MMP8: variants seen among roughly 807,000 people sequenced by gnomAD.
MMP8 encodes the protein matrix metallopeptidase 8, also known as neutrophil collagenase.
In MMP8, 67 loss-of-function variants were observed where a neutral mutation model predicts 51.2. The observed-to-expected ratio is 1.31, with a 90% CI of 1.08 to 1.60. The LOEUF is 1.60. MMP8 is among the 40% of genes most tolerant of loss of function. MMP8 has a pLI of 0.00. For synonymous variants in MMP8, 225 were observed against 191.0 expected, an observed-to-expected ratio of 1.18 and a Z score of -1.47; for missense variants, 654 against 558.1, an observed-to-expected ratio of 1.17 and a Z score of -1.73.
Position 102,719,349 on chromosome 11 carries a change from G to C in MMP8, c.623-774C>G, listed in dbSNP as rs34778157. 7.0e-3 allele frequency among the ~76,000 whole-genome samples: 1,063 copies of C among 152,126 alleles called. 21 individuals are homozygous for C. Among genetic ancestry groups the C allele is most frequent in the African/African-American group, 0.024 (1,013 of 41,494 alleles). ...ATCCTTCAGTCCAGCCAGTCTACAT[G>C]CTGCCTCACAAACACACTGATGCAT... On this transcript the variant is annotated intron_variant, in intron 4 of 9. Transcript: ENST00000236826.
Position 102,711,834 on chromosome 11 carries a change from T to C in MMP8, c.*1514A>G, listed in dbSNP as rs1160920451. 1.3e-5 allele frequency: 2 copies of C among 152,158 alleles called. No individual in the cohort carries two copies. The highest frequency in any genetic ancestry group is 1.3e-4 in the Admixed American group (2 of 15,268). The allele number at this position is 152,158 out of a possible 1,614,324, so 9.4% of individuals were successfully genotyped here. A position where few individuals can be genotyped will look rare whatever the true frequency, so the allele number is the denominator to read the frequency against. On this transcript the variant is annotated 3_prime_UTR_variant, in exon 10 of 10. Coordinates refer to ENST00000236826, the MANE Select transcript of MMP8 (RefSeq NM_002424.3). The stretch of plus-strand genomic sequence containing the variant: ...AAATCTTTAATTTGAACTTATTTAA[T>C]AGATTATTTTAATTTTTGAACAAGC...
intron 4 of MMP8, among the ~76,000 whole-genome samples, chr11:102,719,495 T>C (rs1477801691): frequency 6.6e-6 from 1 of 150,514 alleles, no homozygotes; most frequent in African/African-American, 2.5e-5. Context: ...AATATTTTTA[T>C]AGTAAAGTGA....
chr11:102,714,557 T>G lies in MMP8; in HGVS notation c.1189A>C (p.Arg397=), dbSNP rs138686754. The stretch of plus-strand genomic sequence containing the variant: ...AATTGAAAAAATAGTTTACGTTACC[T>G]CCAGAATTGGTCATTTACAAAGAAG... ...TYFFVNDQFW[R]YDNQRQFMEP... is the part of the protein sequence containing the mutation. Residue 397 remains arginine (R), a splice_region_variant and synonymous_variant, in exon 8 of 10, where the codon AGA becomes CGA. Coordinates refer to ENST00000236826, the MANE Select transcript of MMP8 (RefSeq NM_002424.3). The G allele has an allele frequency of 1.4e-3, 2,104 of 1,459,528 alleles. 1 individual carries two copies. The highest frequency in any genetic ancestry group is 1.8e-3 in the Non-Finnish European group (1,978 of 1,100,892). 90.4% of individuals were successfully genotyped at this position (1,459,528 alleles called of 1,614,324 possible). A position where few individuals can be genotyped will look rare whatever the true frequency, so the allele number is the denominator to read the frequency against.
intron 5 of MMP8, among the ~76,000 whole-genome samples, chr11:102,716,776 A>G (rs1327717656): frequency 1.4e-4 from 22 of 152,042 alleles, no homozygotes; most frequent in Non-Finnish European, 1.5e-5. Flanking sequence ...CTCTCTCCTC[A>G]CCAAAATCCA....
At position 102,714,781 on chromosome 11, in the gene MMP8, TATATATATATA is replaced by T; in HGVS notation, c.1037-83_1037-73del. The T allele has an allele frequency of 1.2e-5, 3 of 253,738 alleles. 1 individual carries two copies. Among genetic ancestry groups the T allele is most frequent in the Non-Finnish European group, 2.2e-5 (3 of 138,874 alleles). The allele number at this position is 253,738 out of a possible 1,614,324, so 15.7% of individuals were successfully genotyped here. ...ACAAAATTATATATATATATATATATATATATATATATATATATATATATACCACTTCTTGG... is the reference window on the plus strand; with the variant it reads ...ACAAAATTATATATATATATATATATTATATATATATATACCACTTCTTGG... On this transcript the variant is annotated intron_variant, in intron 7 of 9. Transcript: ENST00000236826.
chr11:102,723,306 A>G (rs1354713187), intron 1 of MMP8, among the ~76,000 whole-genome samples: 1 of 152,218 alleles, frequency 6.6e-6, no homozygotes, highest in African/African-American at 2.4e-5. Context: ...AAAATTACCT[A>G]TTTTAAGTTT....
At chr11:102,723,559 A>G in intron 1 of MMP8, 1 of 452,730 alleles carries the variant, frequency 2.2e-6, no homozygotes, top group Non-Finnish European at 4.4e-6. Flanking sequence ...GTGTCATAAC[A>G]TGGCAGAGAA....
rs1159587006 is a variant in MMP8, at chr11:102,718,518, T to G, written c.680A>C (p.His227Pro). Reference sequence around the variant, plus strand: ...CATCAAGGCACCAGGGTCAGAGGAGTGAGCGAGCCCCAAAGAATGGCCAAA... The same window carrying G: ...CATCAAGGCACCAGGGTCAGAGGAGGGAGCGAGCCCCAAAGAATGGCCAAA... ...HEFGHSLGLA[H>P]SSDPGALMYP... Residue 227 changes from histidine to proline, a missense_variant, in exon 5 of 10, where the codon CAC becomes CCC. Physicochemically the swap from His to Pro is moderately conservative, Grantham distance 77. Transcript: ENST00000236826. 6.2e-7 allele frequency: 1 copy of G among 1,613,710 alleles called. No homozygotes were observed. Among genetic ancestry groups the G allele is most frequent in the Non-Finnish European group, 8.5e-7 (1 of 1,179,870 alleles).
At chr11:102,719,570 T>A (rs1861410106) in intron 4 of MMP8, among the ~76,000 whole-genome samples, 3 of 152,148 alleles carry the variant, frequency 2.0e-5, no homozygotes, top group Non-Finnish European at 4.4e-5. Context: ...CAGATTGGGG[T>A]CAAACCCAGG....
chr11:102,718,237 C>T (rs908491670), intron 5 of MMP8, among the ~76,000 whole-genome samples, 177 bp downstream of exon 5: 1 of 152,094 alleles, frequency 6.6e-6, no homozygotes, highest in African/African-American at 2.4e-5. Context: ...TCTTTTAGGG[C>T]AGCAATAGAG....
In MMP8 at chr11:102,715,422, C is replaced by G. The variant is rs147143187; in HGVS notation, c.918G>C (p.Arg306Ser). 6.2e-6 allele frequency: 10 copies of G among 1,612,984 alleles called. No individual in the cohort carries two copies. The African/African-American group carries it at 8.0e-5, about 13-fold the overall frequency. ...TTTCGACTCTTTGTAGCTGAGGATG[C>G]CTTCTCCAGAAGTACCTAACGGAAC... ...LFFKDRYFWR[R>S]HPQLQRVEMN... is the part of the protein sequence containing the mutation. Residue 306 changes from arginine to serine, a missense_variant, in exon 7 of 10, where the codon AGG (arginine) becomes AGC (serine). By Grantham distance (110) the Arg-to-Ser change is moderately radical (BLOSUM62 -1). Transcript: ENST00000236826.
chr11:102,721,556 T>C (rs995120416), intron 3 of MMP8, 30 bp from the exon 4 acceptor site: 2 of 1,613,568 alleles, frequency 1.2e-6, no homozygotes, highest in Middle Eastern at 1.7e-4. Context: ...ATTAGATCCT[T>C]GCCAAGTTTC....
chr11:102,721,711 G>C lies in MMP8; in HGVS notation c.399C>G (p.Ile133Met). Residue 133 changes from isoleucine to methionine, a missense_variant, in exon 3 of 10, where the codon ATC becomes ATG. Ile to Met is a conservative substitution (Grantham distance 10). Coordinates refer to ENST00000236826, the MANE Select transcript of MMP8 (RefSeq NM_002424.3). ...QLSEAEVERAIKDAFELWSVA... is the reference protein window; with the variant it reads ...QLSEAEVERAMKDAFELWSVA... ...CACTCCAGAGTTCAAAGGCATCCTT[G>C]ATAGCTCTTTCTACCTCAGCCTCTG... 3 of 1,613,774 alleles carry C rather than the reference G, an allele frequency of 1.9e-6. No homozygotes were observed. Among genetic ancestry groups the C allele is most frequent in the Non-Finnish European group, 2.5e-6 (3 of 1,179,776 alleles).
chr11:102,723,524 T>C (rs1396479021), intron 1 of MMP8: 2 of 456,180 alleles, frequency 4.4e-6, no homozygotes, highest in South Asian at 1.6e-5. Flanking sequence ...CTGCATCTGG[T>C]TGGCTTCTGA....
intron 5 of MMP8, 70 bp from the exon 6 acceptor site, chr11:102,716,489 C>CATCA: frequency 3.3e-6 from 3 of 901,338 alleles, no homozygotes; most frequent in Non-Finnish European, 5.0e-6. Context: ...CTCTTGGGTA[C>CATCA]ATCAGAGACT....
At chr11:102,722,123 G>A (rs117589658) in intron 2 of MMP8, among the ~76,000 whole-genome samples, 3,343 of 152,152 alleles carry the variant, frequency 0.022, 42 homozygotes, top group Non-Finnish European at 0.036. Flanking sequence ...GGAGGGACTT[G>A]ACTCTCTCCA....
Position 102,713,745 on chromosome 11 carries a change from C to A in MMP8, c.1294+9G>T. On this transcript the variant is annotated intron_variant, in intron 9 of 9. Transcript: ENST00000236826. ...CAACACATTTATTAGGTTTTTTTTT[C>A]CTACTTACGTTCTTGCTGGAAAACT... 1 of 1,461,808 alleles carries A rather than the reference C, an allele frequency of 6.8e-7. No individual in the cohort carries two copies. The highest frequency in any genetic ancestry group is 2.1e-5 in the Admixed American group (1 of 47,968). The allele number at this position is 1,461,808 out of a possible 1,614,324, so 90.6% of individuals were successfully genotyped here. A position where few individuals can be genotyped will look rare whatever the true frequency, so the allele number is the denominator to read the frequency against.
rs138327738 is a variant in MMP8 at position 102,720,039 on chromosome 11, G to C, written c.622+1362C>G. ...GAGGAAGCAATTCAAGCAAATGTGA[G>C]GAAGATGAAAAGCATAGGGTGTGAC... On this transcript the variant is annotated intron_variant, in intron 4 of 9. Coordinates refer to ENST00000236826, the MANE Select transcript of MMP8 (RefSeq NM_002424.3). 1.4e-4 allele frequency among the ~76,000 whole-genome samples: 22 copies of C among 152,280 alleles called. No homozygotes were observed. In the East Asian group the frequency reaches 4.1e-3, roughly 28 times the overall value.
rs1861573064 is a variant in MMP8, at chr11:102,724,804, A to G, written c.52T>C (p.Ser18Pro). Residue 18 changes from serine (S) to proline (P), a missense_variant, in exon 1 of 10, where the codon TCC becomes CCC. Transcript: ENST00000236826. ...TTAGAAGATACAGGAAAGGCCTTGG[A>G]AATCTGCACATGGAGTAAGAGCAGA... is the stretch of plus-strand genomic sequence containing the variant. Reference protein sequence around the residue: ...PFLLLLHVQISKAFPVSSKEK... With the variant: ...PFLLLLHVQIPKAFPVSSKEK... 1.2e-6 allele frequency: 2 copies of G among 1,609,648 alleles called. No individual in the cohort carries two copies. The highest frequency in any genetic ancestry group is 1.7e-6 in the Non-Finnish European group (2 of 1,177,402).
Sources: allele counts gnomAD v4.1 joint callset (sites outside exome capture counted in the v4.1 genomes callset), GRCh38; gene constraint gnomAD v4.1.1; transcripts MANE v1.5; gene names NCBI Gene and HGNC (gene_info 2026-07-23, HGNC 2026-07-21).